The following TELO2 variants were observed in gnomAD, a reference collection of about 807,000 sequenced individuals.
TELO2 encodes the protein telomere maintenance 2, also known as telomere length regulation protein TEL2 homolog.
In TELO2, 71 loss-of-function variants were observed where a neutral mutation model predicts 91.0. The observed-to-expected ratio is 0.78, with a 90% CI of 0.64 to 0.95. The LOEUF is 0.95. Ranked by LOEUF, TELO2 falls within the 40% of genes least tolerant of loss-of-function variation. The pLI is 0.00. For synonymous variants in TELO2, 584 were observed against 518.9 expected (o/e 1.13, Z -1.71); for missense variants, 1,183 against 1,141.3 (o/e 1.04, Z -0.53).
rs750739463 is a variant in TELO2, at chr16:1,495,460, C to G, written c.450C>G (p.Ile150Met). The G allele has an allele frequency of 6.8e-6, 11 of 1,609,102 alleles. No homozygotes were observed. In the East Asian group the frequency reaches 1.3e-4, roughly 20 times the overall value. Reference protein sequence around the residue: ...QCRQQTQPGFILLRETLLGKV... With the variant: ...QCRQQTQPGFMLLRETLLGKV... ...GGCAGCAGACGCAGCCCGGCTTCATCCTGCTCCGGGAGACGCTGCTGGGCA... is the reference window on the plus strand; with the variant it reads ...GGCAGCAGACGCAGCCCGGCTTCATGCTGCTCCGGGAGACGCTGCTGGGCA... The change falls in exon 3 of 21, where the codon ATC (isoleucine) becomes ATG (methionine). Residue 150 changes from isoleucine to methionine, a missense_variant. By Grantham distance (10) the Ile-to-Met change is conservative. Coordinates refer to ENST00000262319, the MANE Select transcript of TELO2 (RefSeq NM_016111.4).
chr16:1,500,451 G>A lies in TELO2; in HGVS notation c.1107G>A (p.Ala369=), dbSNP rs772095452. ...GCAAGGCTGTCCTCATCTGCCTGGC[G>A]CAACTCGGGGAGCCGGAACTGCGGG... ...HVSKAVLICL[A]QLGEPELRDS... is the part of the protein sequence containing the mutation. The change falls in exon 8 of 21, where the codon GCG becomes GCA. Residue 369 remains alanine, a synonymous_variant. Transcript: ENST00000262319. The A allele has an allele frequency of 6.2e-6, 10 of 1,609,944 alleles. No individual in the cohort carries two copies. Among genetic ancestry groups the A allele is most frequent in the South Asian group, 4.4e-5 (4 of 90,580 alleles).
chr16:1,507,864 G>GGGGATGTGTGA (rs1567307932), intron 20 of TELO2, 148 bp downstream of exon 20: 2 of 363,564 alleles, frequency 5.5e-6, no homozygotes, highest in African/African-American at 1.0e-4. Context: ...GTGTGTGTGT[G>GGGGATGTGTGA]TGTGTGTGTG....
chr16:1,498,988 CG>C (rs1264953057), intron 5 of TELO2, among the ~76,000 whole-genome samples: 1 of 152,022 alleles, frequency 6.6e-6, no homozygotes, highest in East Asian at 1.9e-4. Context: ...AGGAGGCTGT[CG>C]GGGGTGGACC....
chr16:1,502,898 C>G (rs759145955), intron 14 of TELO2, 33 bp from the exon 15 acceptor site: 1 of 1,608,248 alleles, frequency 6.2e-7, no homozygotes, highest in Non-Finnish European at 8.5e-7. Flanking sequence ...CCTCAGGTCC[C>G]GGACCACAGC....
chr16:1,502,802 G>A (rs182028262), intron 14 of TELO2, 41 bp downstream of exon 14: 2 of 1,605,880 alleles, frequency 1.2e-6, no homozygotes, highest in Non-Finnish European at 1.7e-6. Flanking sequence ...TGCAGGCACA[G>A]CGGGAAGCAC....
At position 1,497,048 on chromosome 16, in the gene TELO2, C is replaced by T. The variant is rs1455239037; in HGVS notation, c.626C>T (p.Ser209Phe). 2 of 1,613,936 alleles carry T rather than the reference C, an allele frequency of 1.2e-6. No homozygotes were observed. The highest frequency in any genetic ancestry group is 1.7e-5 in the Admixed American group (1 of 59,980). The change falls in exon 4 of 21, where the codon TCC (serine) becomes TTC (phenylalanine). Residue 209 changes from serine to phenylalanine, a missense_variant. Transcript: ENST00000262319. The surrounding 1 kb of genome is among the most constrained non-coding windows in gnomAD (Gnocchi z 4.0). ...VVDSLQGGLDSSVSFVSQVLG... is the reference protein window; with the variant it reads ...VVDSLQGGLDFSVSFVSQVLG... ...CTTTCTGTCCCAGGTGGCCTGGATTCCTCCGTGTCCTTCGTGTCTCAGGTC... is the reference window on the plus strand; with the variant it reads ...CTTTCTGTCCCAGGTGGCCTGGATTTCTCCGTGTCCTTCGTGTCTCAGGTC...
chr16:1,502,453 T>C lies in TELO2; in HGVS notation c.1653+49T>C, dbSNP rs2745109. 30,067 of 1,550,534 alleles carry C rather than the reference T, an allele frequency of 0.019. 4,353 individuals are homozygous for C. In the African/African-American group the frequency reaches 0.34, roughly 17 times the overall value. On this transcript the variant is annotated intron_variant, in intron 13 of 20. Coordinates refer to ENST00000262319, the MANE Select transcript of TELO2 (RefSeq NM_016111.4). ...GGGGAGGCCCAAGATGGTAGCTCCCTCAATGCCATCTGTGTCCTGGCCACT... is the reference window on the plus strand; with the variant it reads ...GGGGAGGCCCAAGATGGTAGCTCCCCCAATGCCATCTGTGTCCTGGCCACT...
At position 1,510,014 on chromosome 16, in the gene TELO2, A is replaced by G; in HGVS notation, c.*78A>G. The G allele has an allele frequency of 1.5e-6, 2 of 1,328,462 alleles. No individual in the cohort carries two copies. The highest frequency in any genetic ancestry group is 2.5e-5 in the East Asian group (1 of 39,676). 82.3% of individuals were successfully genotyped at this position (1,328,462 alleles called of 1,614,324 possible). On this transcript the variant is annotated 3_prime_UTR_variant, in exon 21 of 21. Transcript: ENST00000262319. The stretch of plus-strand genomic sequence containing the variant: ...AGCAGCGGCCTGGAGCAGCAGAGCC[A>G]GGCTTTGTAGCGAGGCCAGGTCTTC...
At chr16:1,501,583 CCTTT>C (rs2039681528) in intron 10 of TELO2, 76 bp from the exon 11 acceptor site, 18 of 1,566,192 alleles carry the variant, frequency 1.1e-5, no homozygotes, top group Middle Eastern at 1.7e-4. Flanking sequence ...GGGGGGAAAC[CCTTT>C]CTTTCTGTCC....
rs546381064 is a variant in TELO2 at position 1,495,410 on chromosome 16, G to A, written c.400G>A (p.Ala134Thr). The change falls in exon 3 of 21, where the codon GCA (alanine) becomes ACA (threonine). Residue 134 changes from alanine (A) to threonine (T), a missense_variant. Ala to Thr is a moderately conservative substitution (Grantham distance 58, BLOSUM62 0). Coordinates refer to ENST00000262319, the MANE Select transcript of TELO2 (RefSeq NM_016111.4). ...CAGATTCCTGCGCGAGGGCCGGCTG[G>A]CAGTGCTGATGGAGGCGCAGTGTCG... ...LARFLREGRLAVLMEAQCRQQ... is the reference protein window; with the variant it reads ...LARFLREGRLTVLMEAQCRQQ... 2 of 1,590,946 alleles carry A rather than the reference G, an allele frequency of 1.3e-6. No individual in the cohort carries two copies. Among genetic ancestry groups the A allele is most frequent in the Middle Eastern group, 3.7e-4 (2 of 5,438 alleles).
intron 16 of TELO2, 39 bp from the exon 17 acceptor site, chr16:1,506,199 A>G (rs751530140): frequency 6.2e-7 from 1 of 1,609,036 alleles, no homozygotes; most frequent in Non-Finnish European, 8.5e-7. Context: ...CCGCTGCCCA[A>G]GCCTGCACCT....
At chr16:1,509,029 G>C (rs756584561) in intron 20 of TELO2, among the ~76,000 whole-genome samples, 87 of 151,866 alleles carry the variant, frequency 5.7e-4, no homozygotes, top group Non-Finnish European at 1.2e-3. Context: ...GCCTGGAGGA[G>C]GAGAGGTTCC....
rs1031160519 is a variant in TELO2 at position 1,497,726 on chromosome 16, T to G, written c.830+218T>G. Among the ~76,000 whole-genome samples the G allele has an allele frequency of 2.0e-5, 3 of 152,230 alleles. No homozygotes were observed. Among genetic ancestry groups the G allele is most frequent in the Non-Finnish European group, 4.4e-5 (3 of 68,038 alleles). On this transcript the variant is annotated intron_variant, in intron 5 of 20. Transcript: ENST00000262319. This position sits in a 1 kb window ranked among gnomAD's most constrained non-coding sequence, Gnocchi z 4.0. ...TTCTCTTATGAAATAGCATCGATGC[T>G]GTGAACAGCCCACACCGTAAAGGCG...
chr16:1,505,318 C>G lies in TELO2; in HGVS notation c.1843-92C>G. ...CCTTCTCCCAGGCTGGGCGGGCCCC[C>G]GGGCCCGTTTCTGGGGCTTTGGCTG... On this transcript the variant is annotated intron_variant, in intron 15 of 20. Transcript: ENST00000262319. The surrounding 1 kb of genome is among the most constrained non-coding windows in gnomAD (Gnocchi z 4.3). 1 of 1,456,188 alleles carries G rather than the reference C, an allele frequency of 6.9e-7. No homozygotes were observed. Among genetic ancestry groups the G allele is most frequent in the Non-Finnish European group, 9.2e-7 (1 of 1,084,198 alleles). 90.2% of individuals were successfully genotyped at this position (1,456,188 alleles called of 1,614,324 possible).
At position 1,499,303 on chromosome 16, in the gene TELO2, G is replaced by C. The variant is rs753958889; in HGVS notation, c.903G>C (p.Gln301His). 6.2e-7 allele frequency: 1 copy of C among 1,613,754 alleles called. No homozygotes were observed. The highest frequency in any genetic ancestry group is 8.5e-7 in the Non-Finnish European group (1 of 1,179,986). Reference sequence around the variant, plus strand: ...AGAAGGCCCAGTTTGTGATGACCCAGAAGCTTCTGTTCTTACAGTCCCGGC... The same window carrying C: ...AGAAGGCCCAGTTTGTGATGACCCACAAGCTTCTGTTCTTACAGTCCCGGC... ...KNKKAQFVMT[Q>H]KLLFLQSRLT... The change falls in exon 6 of 21, where the codon CAG becomes CAC. Residue 301 changes from glutamine to histidine, a missense_variant. Physicochemically the swap from Gln to His is conservative, Grantham distance 24. Coordinates refer to ENST00000262319, the MANE Select transcript of TELO2 (RefSeq NM_016111.4).
chr16:1,497,237 G>A lies in TELO2; in HGVS notation c.683-124G>A, dbSNP rs560881371. On this transcript the variant is annotated intron_variant, in intron 4 of 20. Transcript: ENST00000262319. The surrounding 1 kb of genome is among the most constrained non-coding windows in gnomAD (Gnocchi z 4.0). ...CCTTGCCCGGTCCTGTCCTGGGCCCGTGGGATCTGGGGCTCAGCTGTGCTT... is the reference window on the plus strand; with the variant it reads ...CCTTGCCCGGTCCTGTCCTGGGCCCATGGGATCTGGGGCTCAGCTGTGCTT... 34 of 1,493,922 alleles carry A rather than the reference G, an allele frequency of 2.3e-5. No individual in the cohort carries two copies. The highest frequency in any genetic ancestry group is 2.4e-4 in the Middle Eastern group (1 of 4,232). 92.5% of individuals were successfully genotyped at this position (1,493,922 alleles called of 1,614,324 possible).
intron 20 of TELO2, among the ~76,000 whole-genome samples, chr16:1,509,106 C>T (rs1359083785): frequency 5.3e-5 from 8 of 152,196 alleles, no homozygotes. Flanking sequence ...TCCTGGCCCA[C>T]CTCCTTCCCC....
chr16:1,496,832 GT>G (rs1285188645), intron 3 of TELO2, among the ~76,000 whole-genome samples: 2 of 152,224 alleles, frequency 1.3e-5, no homozygotes, highest in East Asian at 3.9e-4. Context: ...ATGGGTGAAG[GT>G]TTGAAAGGAT....
intron 15 of TELO2, among the ~76,000 whole-genome samples, chr16:1,504,456 G>A (rs2039813430): frequency 1.4e-5 from 2 of 141,774 alleles, no homozygotes; most frequent in East Asian, 2.1e-4. Flanking sequence ...AAAAAAAAAA[G>A]GGAGGGGAGG....
Sources: gnomAD v4.1 joint callset for allele counts (sites outside exome capture counted in the v4.1 genomes callset) on GRCh38, gnomAD v4.1.1 for gene constraint, Gnocchi (gnomAD v3.1) non-coding constraint, MANE v1.5 for transcripts, NCBI Gene and HGNC (gene_info 2026-07-23, HGNC 2026-07-21) for gene names.